IQGAP1: variants seen among roughly 807,000 people sequenced by gnomAD.
IQGAP1 encodes the protein IQ motif containing GTPase activating protein 1.
IQGAP1 carries 66 observed loss-of-function variants against 215.6 expected under a neutral mutation model. That is an observed-to-expected ratio of 0.31 (90% CI 0.25 to 0.38). IQGAP1 has a LOEUF of 0.38. IQGAP1 is among the 10% of genes least tolerant of loss of function. The pLI, the probability that IQGAP1 is intolerant of heterozygous loss-of-function variation, is 1.00. For synonymous variants in IQGAP1, 772 were observed against 728.7 expected (o/e 1.06, Z -0.96); for missense variants, 1,712 against 1,997.1 (o/e 0.86, Z 2.72).
At chr15:90,417,540 G>A (rs1050448650) in intron 2 of IQGAP1, among the ~76,000 whole-genome samples, 2 of 152,110 alleles carry the variant, frequency 1.3e-5, no homozygotes, top group Non-Finnish European at 2.9e-5. Context: ...TTATTTCTGA[G>A]GGCTCTGTTC....
At chr15:90,499,969 T>TTTGTG in intron 37 of IQGAP1, 26 bp from the exon 38 acceptor site, 1 of 341,606 alleles carries the variant, frequency 2.9e-6, no homozygotes, top group Non-Finnish European at 5.4e-6. Flanking sequence ...AATGTTTTGT[T>TTTGTG]TTGTTTTGTT....
chr15:90,466,128 G>T (rs758057894), intron 16 of IQGAP1, 37 bp downstream of exon 16: 1 of 1,601,812 alleles, frequency 6.2e-7, no homozygotes, highest in East Asian at 2.2e-5. Context: ...TTTGGTGGAG[G>T]CTGGGGTGAC....
At chr15:90,458,318 AT>A (rs1965715165) in intron 15 of IQGAP1, among the ~76,000 whole-genome samples, 1 of 152,200 alleles carries the variant, frequency 6.6e-6, no homozygotes, top group Admixed American at 6.5e-5. Flanking sequence ...TTATCCATTC[AT>A]GAGTTGATGA....
At chr15:90,393,974 A>G (rs1964675516) in intron 2 of IQGAP1, 1 of 152,078 alleles carries the variant, frequency 6.6e-6, no homozygotes, top group Admixed American at 6.6e-5. Context: ...CGTCTCTACT[A>G]AAAATACAAA....
chr15:90,433,486 T>A (rs1314996020), intron 4 of IQGAP1, among the ~76,000 whole-genome samples: 2 of 152,178 alleles, frequency 1.3e-5, no homozygotes, highest in Non-Finnish European at 2.9e-5. Flanking sequence ...AAATAGAGAT[T>A]TTCCAAGTAG....
intron 36 of IQGAP1, among the ~76,000 whole-genome samples, chr15:90,495,747 C>T (rs1966263801): frequency 6.7e-6 from 1 of 149,432 alleles, no homozygotes; most frequent in Admixed American, 6.7e-5. Context: ...AAGCAATTCT[C>T]CCACCTCAGC....
At chr15:90,459,541 T>G (rs573923232) in intron 15 of IQGAP1, among the ~76,000 whole-genome samples, 1 of 152,212 alleles carries the variant, frequency 6.6e-6, no homozygotes, top group Non-Finnish European at 1.5e-5. Flanking sequence ...ACTATAGAGT[T>G]TGAAGCATTT....
At chr15:90,490,016 C>T (rs914229697) in intron 33 of IQGAP1, among the ~76,000 whole-genome samples, 23 of 152,144 alleles carry the variant, frequency 1.5e-4, no homozygotes, top group African/African-American at 5.6e-4. Flanking sequence ...GCCTCCAAAG[C>T]TTATGCTGTT....
chr15:90,423,358 C>T (rs1965175359), intron 2 of IQGAP1, among the ~76,000 whole-genome samples: 1 of 152,114 alleles, frequency 6.6e-6, no homozygotes, highest in South Asian at 2.1e-4. Context: ...CTTAGCCTCC[C>T]AAGTATCTGA....
Position 90,477,770 on chromosome 15 carries a change from G to C in IQGAP1, c.3210G>C (p.Gln1070His). The C allele has an allele frequency of 6.2e-7, 1 of 1,613,702 alleles. No individual in the cohort carries two copies. The highest frequency in any genetic ancestry group is 1.1e-5 in the South Asian group (1 of 91,066). The change falls in exon 26 of 38, where the codon CAG becomes CAC. Residue 1070 changes from glutamine (Q) to histidine (H), a missense_variant. This residue lies in a region of IQGAP1 where 691 missense variants were observed against 923.0 expected (regional missense o/e 0.75). Transcript: ENST00000268182. ...CCCGTGGCCAGAATGCCCTGAGACA[G>C]ATCTTGGCCCCAGTCGTGAAGGAAA... Reference protein sequence around the residue: ...RGARGQNALRQILAPVVKEIM... With the variant: ...RGARGQNALRHILAPVVKEIM...
intron 2 of IQGAP1, among the ~76,000 whole-genome samples, chr15:90,395,220 C>G (rs1418801544): frequency 1.3e-5 from 2 of 152,192 alleles, no homozygotes; most frequent in Non-Finnish European, 2.9e-5. Context: ...AAGGATACAT[C>G]TTAAATTATT....
chr15:90,403,156 G>T (rs934882704), intron 2 of IQGAP1, among the ~76,000 whole-genome samples: 2 of 152,170 alleles, frequency 1.3e-5, no homozygotes, highest in African/African-American at 2.4e-5. Flanking sequence ...CACACCTGTA[G>T]TTCCAGCTAC....
chr15:90,470,559 AT>A (rs1965891472), intron 18 of IQGAP1, among the ~76,000 whole-genome samples: 2 of 152,116 alleles, frequency 1.3e-5, no homozygotes, highest in African/African-American at 4.8e-5. Flanking sequence ...CTTTGAAAAA[AT>A]AATAATACAA....
chr15:90,481,410 G>T (rs1966057549), intron 26 of IQGAP1, among the ~76,000 whole-genome samples: 1 of 151,032 alleles, frequency 6.6e-6, no homozygotes, highest in Non-Finnish European at 1.5e-5. Flanking sequence ...CCTCCTTCTG[G>T]TTTCTAACAA....
At chr15:90,427,598 G>C (rs1379203375) in intron 3 of IQGAP1, among the ~76,000 whole-genome samples, 4 of 152,092 alleles carry the variant, frequency 2.6e-5, no homozygotes, top group Non-Finnish European at 1.5e-5. Context: ...AAATTAGCCA[G>C]GCTTGGTGGC....
intron 24 of IQGAP1, 95 bp downstream of exon 24, chr15:90,476,913 C>T (rs1596286469): frequency 7.0e-7 from 1 of 1,431,470 alleles, no homozygotes; most frequent in Non-Finnish European, 9.6e-7. Context: ...GTATTTTTGA[C>T]TTCCACTGAG....
At chr15:90,488,232 A>ATAAC (rs944474177) in intron 33 of IQGAP1, among the ~76,000 whole-genome samples, 2 of 141,720 alleles carry the variant, frequency 1.4e-5, no homozygotes, top group Non-Finnish European at 1.5e-5. Flanking sequence ...AAAAATAATA[A>ATAAC]TAAATAAATA....
chr15:90,415,959 GC>G lies in IQGAP1; in HGVS notation c.156-10149del, dbSNP rs1965040944. 2.4e-5 allele frequency among the ~76,000 whole-genome samples: 3 copies of G among 124,262 alleles called. No individual in the cohort carries two copies. In the South Asian group the frequency reaches 8.2e-4, roughly 34 times the overall value. The allele number at this position is 124,262 out of a possible 152,430, so 81.5% of individuals were successfully genotyped here. ...CAGTGACTTACCGTTCCCTGAATGT[GC>G]CATTTGTTTTCAGCCTTTTTTTTTG... On this transcript the variant is annotated intron_variant, in intron 2 of 37. Transcript: ENST00000268182.
chr15:90,395,392 C>T (rs1555433965), intron 2 of IQGAP1, among the ~76,000 whole-genome samples: 1 of 151,964 alleles, frequency 6.6e-6, no homozygotes, highest in Non-Finnish European at 1.5e-5. Flanking sequence ...GCTATCTCGG[C>T]TCACTGCAAG....
Sources: gnomAD v4.1 joint callset for allele counts (sites outside exome capture counted in the v4.1 genomes callset) on GRCh38, gnomAD v4.1.1 for gene constraint, gnomAD v4.1.1 regional missense constraint, MANE v1.5 for transcripts, NCBI Gene and HGNC (gene_info 2026-07-23, HGNC 2026-07-21) for gene names.